The following MPPED2 variants were observed in gnomAD, a reference collection of about 807,000 sequenced individuals.
The protein encoded by MPPED2 is metallophosphoesterase MPPED2.
MPPED2 carries 5 observed loss-of-function variants against 33.0 expected under a neutral mutation model. The ratio of observed to expected loss-of-function variants is 0.15; its 90% CI spans 0.08 to 0.32. The LOEUF is 0.32. MPPED2 is among the 10% of genes least tolerant of loss of function. The pLI is 1.00. For missense variants in MPPED2, 275 were observed against 372.1 expected, an observed-to-expected ratio of 0.74 and a Z score of 2.15; for synonymous variants, 136 against 141.9, an observed-to-expected ratio of 0.96 and a Z score of 0.29.
intron 6 of MPPED2, among the ~76,000 whole-genome samples, chr11:30,400,599 G>C (rs1947896090): frequency 6.6e-6 from 1 of 152,292 alleles, no homozygotes; most frequent in East Asian, 1.9e-4. Context: ...AACCTGTCAT[G>C]AGACATCATC....
intron 4 of MPPED2, among the ~76,000 whole-genome samples, chr11:30,483,530 A>C (rs1951585603): frequency 6.6e-6 from 1 of 152,212 alleles, no homozygotes; most frequent in Non-Finnish European, 1.5e-5. Flanking sequence ...CCAATAGCCT[A>C]TTCCAACTAG....
chr11:30,431,289 C>T (rs1949067538), intron 4 of MPPED2, among the ~76,000 whole-genome samples: 1 of 152,180 alleles, frequency 6.6e-6, no homozygotes, highest in South Asian at 2.1e-4. Flanking sequence ...GTTGGCTCCA[C>T]TTAACACTAG....
intron 4 of MPPED2, among the ~76,000 whole-genome samples, chr11:30,477,648 T>C (rs772967075): frequency 6.6e-6 from 1 of 152,252 alleles, no homozygotes; most frequent in Non-Finnish European, 1.5e-5. Context: ...TTTCTGCTCA[T>C]GAGGCATGTT....
At chr11:30,394,739 C>A (rs1947819798) in intron 6 of MPPED2, among the ~76,000 whole-genome samples, 1 of 152,150 alleles carries the variant, frequency 6.6e-6, no homozygotes, top group Admixed American at 6.6e-5. Context: ...CTTCACAGAG[C>A]AAGTTTTAAA....
chr11:30,490,114 G>A (rs905953324), intron 4 of MPPED2, among the ~76,000 whole-genome samples: 1 of 152,118 alleles, frequency 6.6e-6, no homozygotes, highest in Non-Finnish European at 1.5e-5. Context: ...GTATTTGACA[G>A]ATTAGAATTT....
intron 3 of MPPED2, among the ~76,000 whole-genome samples, chr11:30,499,454 A>G (rs1311587457): frequency 6.6e-6 from 1 of 152,198 alleles, no homozygotes; most frequent in East Asian, 1.9e-4. Context: ...AGATTTTGGA[A>G]CACTTTGGAT....
intron 3 of MPPED2, among the ~76,000 whole-genome samples, chr11:30,527,299 A>G (rs1378902014): frequency 2.6e-5 from 4 of 151,064 alleles, no homozygotes; most frequent in Non-Finnish European, 4.4e-5. Flanking sequence ...AATATTTTTT[A>G]TTGTTTCAAA....
chr11:30,467,677 G>A (rs961047190), intron 4 of MPPED2, among the ~76,000 whole-genome samples: 1 of 152,168 alleles, frequency 6.6e-6, no homozygotes, highest in Non-Finnish European at 1.5e-5. Context: ...CTCAGATTTA[G>A]ATTTACTTCT....
chr11:30,580,166 A>C (rs1339868733), intron 2 of MPPED2, 80 bp downstream of exon 2: 2 of 1,421,492 alleles, frequency 1.4e-6, no homozygotes, highest in African/African-American at 2.9e-5. Context: ...CCCTAGCAGA[A>C]GTTAATAGTG....
chr11:30,566,287 G>A lies in MPPED2; in HGVS notation c.128+13959C>T, dbSNP rs903346328. ...AAGGAGTTAAAACAATATACTTTCC[G>A]ATGCCTCCATTTTAAAATTAAAGAA... is the stretch of plus-strand genomic sequence containing the variant. On this transcript the variant is annotated intron_variant, in intron 2 of 6. Coordinates refer to ENST00000358117, the MANE Select transcript of MPPED2 (RefSeq NM_001584.3). Among the ~76,000 whole-genome samples the A allele has an allele frequency of 3.3e-5, 5 of 152,066 alleles. No homozygotes were observed. The East Asian group carries it at 7.7e-4, about 23-fold the overall frequency.
At chr11:30,412,617 G>C (rs986828326) in intron 6 of MPPED2, among the ~76,000 whole-genome samples, 1 of 152,112 alleles carries the variant, frequency 6.6e-6, no homozygotes, top group African/African-American at 2.4e-5. Flanking sequence ...GAAAAGAAAA[G>C]AGGCATTTAA....
At chr11:30,407,199 A>G (rs1948004341), downstream of MPPED2, among the ~76,000 whole-genome samples, 2 of 152,242 alleles carry the variant, frequency 1.3e-5, no homozygotes, top group African/African-American at 4.8e-5. Context: ...GGATTTCAGC[A>G]ACCTCCCAAC....
rs1949956465 is a variant in MPPED2 at position 30,449,476 on chromosome 11, A to C, written c.537-31843T>G. Among the ~76,000 whole-genome samples, 3 of 151,602 alleles carry C rather than the reference A, an allele frequency of 2.0e-5. No individual in the cohort carries two copies. In the South Asian group the frequency reaches 6.2e-4, roughly 31 times the overall value. ...AGAGACCAGCTGAGACAACATGGCA[A>C]AACCCTGTCTCTACACAAAAATTAG... On this transcript the variant is annotated intron_variant, in intron 4 of 6. Coordinates refer to ENST00000358117, the MANE Select transcript of MPPED2 (RefSeq NM_001584.3).
At position 30,536,123 on chromosome 11, in the gene MPPED2, C is replaced by T. The variant is rs143559000; in HGVS notation, c.181G>A (p.Val61Ile). Reference protein sequence around the residue: ...TPKPAGHTRFVCISDTHSRTD... With the variant: ...TPKPAGHTRFICISDTHSRTD... Reference sequence around the variant, plus strand: ...CTGGAGTGTGTGTCTGAGATGCAGACAAACCGCGTGTGGCCCGCTGGTTTT... The same window carrying T: ...CTGGAGTGTGTGTCTGAGATGCAGATAAACCGCGTGTGGCCCGCTGGTTTT... The change falls in exon 3 of 7, where the codon GTC becomes ATC. Residue 61 changes from valine to isoleucine, a missense_variant. Physicochemically the swap from Val to Ile is conservative, Grantham distance 29 (BLOSUM62 3). Coordinates refer to ENST00000358117, the MANE Select transcript of MPPED2 (RefSeq NM_001584.3). The T allele has an allele frequency of 1.2e-5, 19 of 1,612,890 alleles. No individual in the cohort carries two copies. The African/African-American group carries it at 1.7e-4, about 15-fold the overall frequency.
intron 2 of MPPED2, among the ~76,000 whole-genome samples, chr11:30,552,470 C>T (rs944245133): frequency 4.6e-5 from 7 of 152,132 alleles, no homozygotes; most frequent in African/African-American, 1.7e-4. Context: ...CCAGAGATAG[C>T]TACTAGTAAC....
chr11:30,561,664 C>T (rs906219734), intron 2 of MPPED2, among the ~76,000 whole-genome samples: 6 of 152,158 alleles, frequency 3.9e-5, no homozygotes, highest in Non-Finnish European at 8.8e-5. Flanking sequence ...GGCCCAGCTG[C>T]AGTCCAACAT....
At chr11:30,449,869 A>C (rs1204563274) in intron 4 of MPPED2, among the ~76,000 whole-genome samples, 15 of 152,122 alleles carry the variant, frequency 9.9e-5, no homozygotes, top group Admixed American at 9.8e-4. Context: ...AGTTTCCCCC[A>C]AAATTTCCAA....
chr11:30,561,843 T>C (rs560479912), intron 2 of MPPED2, among the ~76,000 whole-genome samples: 5 of 152,216 alleles, frequency 3.3e-5, no homozygotes, highest in African/African-American at 9.6e-5. Context: ...ACACCAATGA[T>C]AGAGAACAGA....
At chr11:30,556,746 GT>G (rs1009120703) in intron 2 of MPPED2, among the ~76,000 whole-genome samples, 7 of 152,020 alleles carry the variant, frequency 4.6e-5, no homozygotes, top group African/African-American at 1.7e-4. Context: ...ACTTGGCTTG[GT>G]ACACAATAAG....
Sources: allele counts gnomAD v4.1 joint callset (sites outside exome capture counted in the v4.1 genomes callset), GRCh38; gene constraint gnomAD v4.1.1; transcripts MANE v1.5; gene names NCBI Gene and HGNC (gene_info 2026-07-23, HGNC 2026-07-21).